The following CMKLR2 variants were observed in gnomAD, a reference collection of about 807,000 sequenced individuals.
CMKLR2 encodes the protein chemerin-like receptor 2.
CMKLR2 carries 18 observed loss-of-function variants against 23.0 expected under a neutral mutation model. The observed-to-expected ratio is 0.78, with a 90% confidence interval of 0.54 to 1.16. The LOEUF is 1.16. CMKLR2 is among the 50% of genes most tolerant of loss of function. The pLI, the probability that CMKLR2 is intolerant of heterozygous loss-of-function variation, is 0.00. For synonymous variants in CMKLR2, 158 were observed against 158.9 expected, an observed-to-expected ratio of 0.99 and a Z score of 0.05; for missense variants, 401 against 412.7, an observed-to-expected ratio of 0.97 and a Z score of 0.25.
chr2:206,179,294 C>G (rs181700818), intron 1 of CMKLR2, among the ~76,000 whole-genome samples: 1 of 150,026 alleles, frequency 6.7e-6, no homozygotes, highest in South Asian at 2.1e-4. Context: ...AGGGTGGTCT[C>G]GAACTCCCGA....
At chr2:206,177,487 C>A (rs1269822649) in intron 1 of CMKLR2, among the ~76,000 whole-genome samples, 4 of 152,070 alleles carry the variant, frequency 2.6e-5, no homozygotes. Flanking sequence ...CTCCTAGGCT[C>A]AAGTGCCTCC....
rs189759979 is a variant in CMKLR2 at position 206,186,983 on chromosome 2, T to C, written c.-28-9708A>G. Among the ~76,000 whole-genome samples the C allele has an allele frequency of 2.0e-5, 3 of 151,472 alleles. No individual in the cohort carries two copies. In the East Asian group the frequency reaches 5.8e-4, roughly 30 times the overall value. ...CGAGGGGACTGCTTGAGCCCAGGAG[T>C]TCAAGACCACCCTGGGCAACACAGT... On this transcript the variant is annotated intron_variant, in intron 1 of 1. Transcript: ENST00000621141.
intron 1 of CMKLR2, among the ~76,000 whole-genome samples, chr2:206,193,200 G>A (rs1426379789): frequency 6.6e-6 from 1 of 152,158 alleles, no homozygotes; most frequent in East Asian, 1.9e-4. Context: ...CTGGGTTCAA[G>A]TGATTCTCTT....
At chr2:206,199,646 A>G (rs1263231673) in intron 1 of CMKLR2, among the ~76,000 whole-genome samples, 4 of 148,310 alleles carry the variant, frequency 2.7e-5, no homozygotes, top group Non-Finnish European at 4.4e-5. Context: ...CCCAGGCTGG[A>G]GTGCAGTGGC....
chr2:206,214,725 G>A (rs910848249), upstream of CMKLR2, among the ~76,000 whole-genome samples: 3 of 151,950 alleles, frequency 2.0e-5, no homozygotes, highest in Admixed American at 6.6e-5. Flanking sequence ...CTGGGTTAAC[G>A]CCATTCTCCT....
At chr2:206,180,738 A>ATTATTATTATTG (rs1688384256) in intron 1 of CMKLR2, among the ~76,000 whole-genome samples, 1 of 134,930 alleles carries the variant, frequency 7.4e-6, no homozygotes, top group African/African-American at 3.1e-5. Flanking sequence ...CCAGCCCATT[A>ATTATTATTATTG]TTATTATTAT....
At chr2:206,181,181 C>A (rs1688401411) in intron 1 of CMKLR2, among the ~76,000 whole-genome samples, 1 of 152,002 alleles carries the variant, frequency 6.6e-6, no homozygotes, top group Admixed American at 6.6e-5. Flanking sequence ...CCTCAGCCTC[C>A]CAAGTACCTG....
At chr2:206,192,255 C>A (rs1387028146) in intron 1 of CMKLR2, among the ~76,000 whole-genome samples, 1 of 150,188 alleles carries the variant, frequency 6.7e-6, no homozygotes, top group African/African-American at 2.4e-5. Context: ...ACTAGGATTG[C>A]AAAAATGAGC....
intron 1 of CMKLR2, among the ~76,000 whole-genome samples, chr2:206,189,489 G>A (rs969881697): frequency 4.6e-5 from 7 of 152,086 alleles, no homozygotes; most frequent in Admixed American, 3.9e-4. Context: ...AGAAAAATTA[G>A]GTGGGTGTGG....
At chr2:206,199,326 G>A (rs973114583) in intron 1 of CMKLR2, among the ~76,000 whole-genome samples, 5 of 152,152 alleles carry the variant, frequency 3.3e-5, no homozygotes, top group African/African-American at 7.2e-5. Context: ...CTTGAGCCTC[G>A]GAGGTGGAGG....
At chr2:206,191,452 G>T (rs1005879553) in intron 1 of CMKLR2, among the ~76,000 whole-genome samples, 1 of 152,102 alleles carries the variant, frequency 6.6e-6, no homozygotes, top group Admixed American at 6.6e-5. Context: ...AAGATTTTAA[G>T]TAGAGATTCA....
At chr2:206,205,566 C>CTTA (rs1689282801) in intron 1 of CMKLR2, among the ~76,000 whole-genome samples, 1 of 151,174 alleles carries the variant, frequency 6.6e-6, no homozygotes, top group East Asian at 2.0e-4. Flanking sequence ...GAGACAGGGT[C>CTTA]TTATTATGTT....
intron 1 of CMKLR2, among the ~76,000 whole-genome samples, chr2:206,207,812 G>A (rs1327070039): frequency 2.2e-5 from 3 of 135,828 alleles, no homozygotes; most frequent in Non-Finnish European, 1.5e-5. Context: ...GCGTGTTCTC[G>A]GCTCACCGCA....
At chr2:206,188,696 G>A (rs999578825) in intron 1 of CMKLR2, among the ~76,000 whole-genome samples, 4 of 152,142 alleles carry the variant, frequency 2.6e-5, no homozygotes, top group Middle Eastern at 3.2e-3. Context: ...CTGCTTGGAG[G>A]ACCCACGTTA....
At chr2:206,217,024 G>A (rs1689776170), upstream of CMKLR2, among the ~76,000 whole-genome samples, 1 of 151,954 alleles carries the variant, frequency 6.6e-6, no homozygotes, top group South Asian at 2.1e-4. Flanking sequence ...TAGACATTTG[G>A]GAGAATATTA....
intron 1 of CMKLR2, among the ~76,000 whole-genome samples, chr2:206,200,233 G>C (rs1689050708): frequency 6.6e-6 from 1 of 152,078 alleles, no homozygotes; most frequent in Non-Finnish European, 1.5e-5. Context: ...AGATCAGCCT[G>C]GGCAACACAG....
chr2:206,182,195 T>C (rs1336050375), intron 1 of CMKLR2, among the ~76,000 whole-genome samples: 1 of 152,076 alleles, frequency 6.6e-6, no homozygotes, highest in Admixed American at 6.6e-5. Flanking sequence ...AACTGTACTA[T>C]TATTGGTCTC....
intron 1 of CMKLR2, among the ~76,000 whole-genome samples, chr2:206,197,748 A>G (rs954874667): frequency 6.6e-6 from 1 of 152,004 alleles, no homozygotes; most frequent in African/African-American, 2.4e-5. Flanking sequence ...AGGCTGGTCT[A>G]GAACTCTTGA....
At chr2:206,216,939 T>C (rs1169870878), upstream of CMKLR2, among the ~76,000 whole-genome samples, 1 of 152,212 alleles carries the variant, frequency 6.6e-6, no homozygotes, top group African/African-American at 2.4e-5. Flanking sequence ...CATTATTCTT[T>C]CTCTTTCTTG....
Sources: allele counts gnomAD v4.1 joint callset (sites outside exome capture counted in the v4.1 genomes callset), GRCh38; gene constraint gnomAD v4.1.1; transcripts MANE v1.5; gene names NCBI Gene and HGNC (gene_info 2026-07-23, HGNC 2026-07-21).